Variants in MED13L observed in about 807,000 individuals in gnomAD.
MED13L encodes mediator of RNA polymerase II transcription subunit 13-like.
MED13L carries 7 observed loss-of-function variants against 220.9 expected under a neutral mutation model. The ratio of observed to expected loss-of-function variants is 0.03; its 90% CI spans 0.02 to 0.06. The LOEUF (loss-of-function observed/expected upper bound fraction) is 0.06, where lower values mean the gene tolerates loss of function less well. Ranked by LOEUF, MED13L falls within the 10% of genes least tolerant of loss-of-function variation. MED13L has a pLI of 1.00. For synonymous variants in MED13L, 1,011 were observed against 1,015.2 expected (o/e 1.00, Z 0.08); for missense variants, 1,965 against 2,760.5 (o/e 0.71, Z 6.46).
chr12:116,041,238 T>C (rs1439193284), intron 4 of MED13L, among the ~76,000 whole-genome samples: 1 of 152,080 alleles, frequency 6.6e-6, no homozygotes, highest in Non-Finnish European at 1.5e-5. Flanking sequence ...TCTCAGGAGA[T>C]CTGGCTGTTT....
chr12:116,047,955 T>A (rs1170441995), intron 4 of MED13L, among the ~76,000 whole-genome samples: 1 of 152,194 alleles, frequency 6.6e-6, no homozygotes, highest in African/African-American at 2.4e-5. Context: ...CTGAATGTGT[T>A]TTTATTCAGG....
intron 4 of MED13L, among the ~76,000 whole-genome samples, chr12:116,075,700 AGCTCCAGGAAATAGACTTCCTTTCTGCTG>A (rs1354496691): frequency 6.6e-6 from 1 of 152,196 alleles, no homozygotes; most frequent in Non-Finnish European, 1.5e-5. Flanking sequence ...TAGACCTGCA[AGCTCCAGGAAATAGACTTCCTTTCTGCTG>A]GCTCCTTCCC....
intron 4 of MED13L, among the ~76,000 whole-genome samples, chr12:116,082,183 T>C (rs1593021987): frequency 6.6e-6 from 1 of 152,212 alleles, no homozygotes; most frequent in East Asian, 1.9e-4. Context: ...CACTTATTCT[T>C]TCTAATTTTC....
At chr12:116,194,269 G>A (rs941321423) in intron 2 of MED13L, among the ~76,000 whole-genome samples, 4 of 151,956 alleles carry the variant, frequency 2.6e-5, no homozygotes, top group South Asian at 2.1e-4. Context: ...GGGTTTAAGC[G>A]ATTCTCCTGC....
chr12:116,166,271 G>T (rs1307042987), intron 2 of MED13L, among the ~76,000 whole-genome samples: 1 of 152,118 alleles, frequency 6.6e-6, no homozygotes, highest in African/African-American at 2.4e-5. Flanking sequence ...GTCTGTGTGG[G>T]TGTTGCCAAA....
At chr12:116,243,925 T>A (rs1198144646) in intron 1 of MED13L, among the ~76,000 whole-genome samples, 2 of 152,158 alleles carry the variant, frequency 1.3e-5, no homozygotes, top group South Asian at 2.1e-4. Flanking sequence ...CCAGGCTAAT[T>A]ACATCCCACT....
rs1593148993 is a variant in MED13L at position 116,191,695 on chromosome 12, G to A, written c.310+45773C>T. ...TTTTTTTAAGAGCATAGAAATATGC[G>A]TTTTGCCAGGCCCGGTGGCTCACAT... On this transcript the variant is annotated intron_variant, in intron 2 of 30. Coordinates refer to ENST00000281928, the MANE Select transcript of MED13L (RefSeq NM_015335.5). Among the ~76,000 whole-genome samples, 9 of 152,042 alleles carry A rather than the reference G, an allele frequency of 5.9e-5. No individual in the cohort carries two copies. The South Asian group carries it at 1.9e-3, about 32-fold the overall frequency.
chr12:116,203,386 C>CTTTTGTTTTAAAAGGTG (rs1882121636), intron 2 of MED13L, among the ~76,000 whole-genome samples: 2 of 149,904 alleles, frequency 1.3e-5, no homozygotes, highest in African/African-American at 4.9e-5. Flanking sequence ...TTTTCTGAAG[C>CTTTTGTTTTAAAAGGTG]TTTTGTTTTA....
intron 2 of MED13L, among the ~76,000 whole-genome samples, chr12:116,151,472 T>C (rs955339828): frequency 8.5e-5 from 13 of 152,184 alleles, no homozygotes; most frequent in Admixed American, 6.5e-4. Context: ...ACGCATACAA[T>C]AAAACTCCTT....
intron 1 of MED13L, among the ~76,000 whole-genome samples, chr12:116,246,990 G>A (rs1425274493): frequency 6.6e-6 from 1 of 151,968 alleles, no homozygotes; most frequent in East Asian, 1.9e-4. Flanking sequence ...TGCTTTGTAG[G>A]AGGCAGAAAG....
chr12:116,018,922 C>G (rs1200186697), intron 7 of MED13L, among the ~76,000 whole-genome samples: 1 of 138,908 alleles, frequency 7.2e-6, no homozygotes, highest in Non-Finnish European at 1.6e-5. Flanking sequence ...CAAAAAAAAA[C>G]CCTACATTTT....
chr12:115,990,970 G>T, intron 17 of MED13L, 50 bp downstream of exon 17: 2 of 1,579,608 alleles, frequency 1.3e-6, no homozygotes, highest in South Asian at 2.2e-5. Context: ...TTTAAGTTAT[G>T]ATCATACCAA....
intron 16 of MED13L, among the ~76,000 whole-genome samples, chr12:115,995,379 T>A (rs1009191214): frequency 2.6e-5 from 4 of 152,342 alleles, no homozygotes; most frequent in African/African-American, 9.6e-5. Flanking sequence ...CTTTATTTAT[T>A]AAGAAATTAT....
chr12:116,203,730 A>G (rs1593161650), intron 2 of MED13L, among the ~76,000 whole-genome samples: 1 of 151,846 alleles, frequency 6.6e-6, no homozygotes, highest in Admixed American at 6.6e-5. Flanking sequence ...TGAGGCAGGG[A>G]GAACTGCTTG....
intron 7 of MED13L, among the ~76,000 whole-genome samples, chr12:116,018,158 A>G (rs1879843439): frequency 6.6e-6 from 1 of 152,196 alleles, no homozygotes. Context: ...AACACGGTAA[A>G]GTATGTATTT....
intron 1 of MED13L, among the ~76,000 whole-genome samples, chr12:116,265,849 A>G (rs1872791251): frequency 1.3e-5 from 2 of 152,228 alleles, no homozygotes; most frequent in Non-Finnish European, 2.9e-5. Flanking sequence ...AAAATTGTCA[A>G]GCTTCCAAAG....
rs920401467 is a variant in MED13L, at chr12:116,203,545, C to T, written c.310+33923G>A. On this transcript the variant is annotated intron_variant, in intron 2 of 30. Transcript: ENST00000281928. ...CACAAAAGACAAGAGTGAGGCTGGG[C>T]GCAGTGGCTCACACCTGTAATCCAA... Among the ~76,000 whole-genome samples the T allele has an allele frequency of 2.0e-5, 3 of 151,928 alleles. No individual in the cohort carries two copies. The South Asian group carries it at 6.2e-4, about 31-fold the overall frequency.
At chr12:116,187,776 G>A (rs1181695854) in intron 2 of MED13L, among the ~76,000 whole-genome samples, 2 of 151,442 alleles carry the variant, frequency 1.3e-5, no homozygotes, top group Non-Finnish European at 2.9e-5. Context: ...AGCTCCCTCT[G>A]ACTTTAACAG....
chr12:116,221,308 A>G (rs966498763), intron 2 of MED13L, among the ~76,000 whole-genome samples: 9 of 151,612 alleles, frequency 5.9e-5, no homozygotes, highest in African/African-American at 1.9e-4. Flanking sequence ...CAGGAAGTCT[A>G]GATTGCAGTG....
Sources: allele counts gnomAD v4.1 joint callset (sites outside exome capture counted in the v4.1 genomes callset), GRCh38; gene constraint gnomAD v4.1.1; transcripts MANE v1.5; gene names NCBI Gene and HGNC (gene_info 2026-07-23, HGNC 2026-07-21).